GCKR: variants seen among roughly 807,000 people sequenced by gnomAD.
GCKR encodes glucokinase regulatory protein.
In GCKR, 73 loss-of-function variants were observed where a neutral mutation model predicts 82.9. The observed-to-expected ratio is 0.88, with a 90% CI of 0.73 to 1.07. The LOEUF is 1.07. Among genes scored for constraint, GCKR ranks in the 50% least tolerant of loss-of-function variants. GCKR has a pLI of 0.00. For synonymous variants in GCKR, 294 were observed against 291.8 expected, an observed-to-expected ratio of 1.01 and a Z score of -0.08; for missense variants, 784 against 782.1, an observed-to-expected ratio of 1.00 and a Z score of -0.03.
In GCKR at chr2:27,523,501, A is replaced by G; in HGVS notation, c.*62A>G. The G allele has an allele frequency of 1.3e-6, 2 of 1,532,750 alleles. No homozygotes were observed. The highest frequency in any genetic ancestry group is 2.2e-5 in the South Asian group (2 of 89,554). 94.9% of individuals were successfully genotyped at this position (1,532,750 alleles called of 1,614,324 possible). On this transcript the variant is annotated 3_prime_UTR_variant, in exon 19 of 19. Coordinates refer to ENST00000264717, the MANE Select transcript of GCKR (RefSeq NM_001486.4). ...TGCCCACTTCAGCCCAGCCCGCCCA[A>G]GGGGACTTGTGCCAGCAGAACATGT... is the stretch of plus-strand genomic sequence containing the variant.
chr2:27,503,469 A>C, intron 8 of GCKR, 45 bp from the exon 9 acceptor site: 1 of 1,032,304 alleles, frequency 9.7e-7, no homozygotes, highest in East Asian at 2.4e-5. Context: ...CTTCTTTGAG[A>C]TCCTCATAGA....
At chr2:27,497,007 G>T in intron 1 of GCKR, 43 bp downstream of exon 1, 1 of 1,515,630 alleles carries the variant, frequency 6.6e-7, no homozygotes, top group South Asian at 1.1e-5. Flanking sequence ...CTGATTCCTA[G>T]AATTATTTTT....
chr2:27,523,361 TGTCAGGA>T lies in GCKR; in HGVS notation c.1803_1809del (p.Arg602LeufsTer17). The T allele has an allele frequency of 6.2e-7, 1 of 1,612,722 alleles. No individual in the cohort carries two copies. The highest frequency in any genetic ancestry group is 8.5e-7 in the Non-Finnish European group (1 of 1,179,950). ...CTGCAGCTCCTTCTGTCTGTGAGGC[TGTCAGGA>T]GTGCTCTTGCTGGGCCAGGTCAGAA... On this transcript the variant is annotated frameshift_variant, in exon 19 of 19. Coordinates refer to ENST00000264717, the MANE Select transcript of GCKR (RefSeq NM_001486.4). LOFTEE classifies it high-confidence loss of function.
chr2:27,497,503 C>T, intron 2 of GCKR, 59 bp from the exon 3 acceptor site: 1 of 1,562,000 alleles, frequency 6.4e-7, no homozygotes, highest in Non-Finnish European at 8.8e-7. Flanking sequence ...CCCTGAGACC[C>T]CCTCCCCCAT....
In GCKR at chr2:27,506,889, G is replaced by C. The variant is rs200183362; in HGVS notation, c.1066+4G>C. Reference sequence around the variant, plus strand: ...TGCATCCACACCTTTGGTGCTGGTGGGACCCCAGTCCAGATGTTCTTCCTG... The same window carrying C: ...TGCATCCACACCTTTGGTGCTGGTGCGACCCCAGTCCAGATGTTCTTCCTG... On this transcript the variant is annotated splice_donor_region_variant and intron_variant, in intron 12 of 18. Transcript: ENST00000264717. 20 of 1,572,164 alleles carry C rather than the reference G, an allele frequency of 1.3e-5. No individual in the cohort carries two copies. In the Admixed American group the frequency reaches 3.0e-4, roughly 24 times the overall value.
At chr2:27,507,657 C>A in intron 13 of GCKR, 24 bp from the exon 14 acceptor site, 3 of 1,292,026 alleles carry the variant, frequency 2.3e-6, no homozygotes, top group East Asian at 2.3e-5. Flanking sequence ...ATGGGAGGGA[C>A]CCTCCCATCT....
At chr2:27,521,062 T>A (rs1247035492) in intron 17 of GCKR, among the ~76,000 whole-genome samples, 1 of 150,932 alleles carries the variant, frequency 6.6e-6, no homozygotes, top group South Asian at 2.1e-4. Context: ...AAATTAAAAT[T>A]AAAAAAAGCC....
intron 16 of GCKR, among the ~76,000 whole-genome samples, chr2:27,510,699 T>C (rs1386475153): frequency 1.3e-5 from 2 of 152,208 alleles, no homozygotes; most frequent in Non-Finnish European, 2.9e-5. Flanking sequence ...TTAATTTATA[T>C]TTCTTTAATT....
At chr2:27,501,824 T>G (rs1435859075) in intron 8 of GCKR, 2 of 470,202 alleles carry the variant, frequency 4.3e-6, no homozygotes, top group Non-Finnish European at 8.8e-6. Flanking sequence ...ATCAACATAT[T>G]AAACCAGTAG....
At position 27,519,049 on chromosome 2, in the gene GCKR, C is replaced by G. The variant is rs560970578; in HGVS notation, c.1572+112C>G. 1.7e-5 allele frequency: 15 copies of G among 882,556 alleles called. No individual in the cohort carries two copies. In the African/African-American group the frequency reaches 2.4e-4, roughly 14 times the overall value. 54.7% of individuals were successfully genotyped at this position (882,556 alleles called of 1,614,324 possible). A position where few individuals can be genotyped will look rare whatever the true frequency, so the allele number is the denominator to read the frequency against. ...TGTGCAAGGGTACAGGCTGCCTTTT[C>G]TGTGTGCTTCTGCTCCTCCTATTAG... On this transcript the variant is annotated intron_variant, in intron 17 of 18. Transcript: ENST00000264717.
rs760242412 is a variant in GCKR, at chr2:27,506,575, A to G, written c.964A>G (p.Thr322Ala). The change falls in exon 11 of 19, where the codon ACC (threonine) becomes GCC (alanine). Residue 322 changes from threonine (T) to alanine (A), a missense_variant. Thr to Ala is a moderately conservative substitution (Grantham distance 58). Coordinates refer to ENST00000264717, the MANE Select transcript of GCKR (RefSeq NM_001486.4). ...TGCCACCCTGATGAAGAGTGTCAGC[A>G]CCAGGTGTGTGGATATGTGTTTAGA... ...KIATLMKSVSTSLEKKGHVYL... is the reference protein window; with the variant it reads ...KIATLMKSVSASLEKKGHVYL... 6.2e-7 allele frequency: 1 copy of G among 1,603,138 alleles called. No individual in the cohort carries two copies. Among genetic ancestry groups the G allele is most frequent in the South Asian group, 1.1e-5 (1 of 90,834 alleles).
At chr2:27,513,719 G>A (rs1195748393) in intron 16 of GCKR, among the ~76,000 whole-genome samples, 1 of 151,962 alleles carries the variant, frequency 6.6e-6, no homozygotes, top group Non-Finnish European at 1.5e-5. Flanking sequence ...GCTGGTTCCT[G>A]TGTCCTTGTG....
chr2:27,502,892 A>T (rs1043981864), intron 8 of GCKR, among the ~76,000 whole-genome samples: 1 of 152,212 alleles, frequency 6.6e-6, no homozygotes, highest in African/African-American at 2.4e-5. Flanking sequence ...ACTAAAGAAG[A>T]TCGTCATTCT....
In GCKR at chr2:27,518,956, AG is replaced by A; in HGVS notation, c.1572+22del. 2.9e-6 allele frequency: 2 copies of A among 699,280 alleles called. No homozygotes were observed. Among genetic ancestry groups the A allele is most frequent in the Non-Finnish European group, 5.1e-6 (2 of 395,298 alleles). The allele number at this position is 699,280 out of a possible 1,614,324, so 43.3% of individuals were successfully genotyped here. ...GCTGCAGGTAGGGATATGATGGGGC[AG>A]GGTTGGGTGGGACCTGGCCTCAATG... On this transcript the variant is annotated intron_variant, in intron 17 of 18. Coordinates refer to ENST00000264717, the MANE Select transcript of GCKR (RefSeq NM_001486.4).
Position 27,507,385 on chromosome 2 carries a change from G to A in GCKR, c.1143+74G>A, listed in dbSNP as rs145138735. 55 of 930,538 alleles carry A rather than the reference G, an allele frequency of 5.9e-5. No individual in the cohort carries two copies. The African/African-American group carries it at 6.9e-4, about 12-fold the overall frequency. 57.6% of individuals were successfully genotyped at this position (930,538 alleles called of 1,614,324 possible). ...TGAGGGTGGAAGAAAAGGGGAAGGC[G>A]GAGCTAGGTGGGAAGTTCATTGGAA... is the stretch of plus-strand genomic sequence containing the variant. On this transcript the variant is annotated intron_variant, in intron 13 of 18. Coordinates refer to ENST00000264717, the MANE Select transcript of GCKR (RefSeq NM_001486.4).
At chr2:27,513,885 C>T (rs1023473293) in intron 16 of GCKR, among the ~76,000 whole-genome samples, 3 of 150,936 alleles carry the variant, frequency 2.0e-5, no homozygotes, top group African/African-American at 7.3e-5. Context: ...AGATCTCTTC[C>T]TCATTATTAC....
Position 27,506,894 on chromosome 2 carries a change from C to A in GCKR, c.1066+9C>A. ...CCACACCTTTGGTGCTGGTGGGACC[C>A]CAGTCCAGATGTTCTTCCTGCTTCC... On this transcript the variant is annotated intron_variant, in intron 12 of 18. Transcript: ENST00000264717. The A allele has an allele frequency of 1.9e-6, 3 of 1,550,776 alleles. No homozygotes were observed. The highest frequency in any genetic ancestry group is 2.7e-6 in the Non-Finnish European group (3 of 1,122,232).
chr2:27,504,139 C>T (rs866235385), intron 9 of GCKR, among the ~76,000 whole-genome samples: 3 of 152,174 alleles, frequency 2.0e-5, no homozygotes, highest in Admixed American at 6.5e-5. Context: ...TTGGGCCTTA[C>T]GAGGGCCTTA....
chr2:27,508,143 C>T (rs369591093), intron 15 of GCKR, 25 bp from the exon 16 acceptor site: 36 of 1,594,102 alleles, frequency 2.3e-5, no homozygotes, highest in Non-Finnish European at 2.8e-5. Flanking sequence ...AGATGCCTCT[C>T]CTGCTCCTCT....
Sources: allele counts gnomAD v4.1 joint callset (sites outside exome capture counted in the v4.1 genomes callset), GRCh38; gene constraint gnomAD v4.1.1; transcripts MANE v1.5; gene names NCBI Gene and HGNC (gene_info 2026-07-23, HGNC 2026-07-21).